Variants in RICTOR observed in about 807,000 individuals in gnomAD.
RICTOR encodes RPTOR independent companion of MTOR complex 2.
In RICTOR, 49 loss-of-function variants were observed where a neutral mutation model predicts 214.9. The ratio of observed to expected loss-of-function variants is 0.23; its 90% confidence interval spans 0.18 to 0.29. The LOEUF is 0.29. Ranked by LOEUF, RICTOR falls within the 10% of genes least tolerant of loss-of-function variation. The pLI is 1.00. For synonymous variants in RICTOR, 717 were observed against 711.3 expected (o/e 1.01, Z -0.13); for missense variants, 1,625 against 2,047.0 (o/e 0.79, Z 3.98).
At chr5:38,980,272 A>C (rs866483256) in intron 8 of RICTOR, among the ~76,000 whole-genome samples, 53 of 152,166 alleles carry the variant, frequency 3.5e-4, no homozygotes, top group Middle Eastern at 3.4e-3. Flanking sequence ...TCATACAGTC[A>C]TGTCTTTTTA....
chr5:38,958,170 G>A (rs1749463041), intron 24 of RICTOR, among the ~76,000 whole-genome samples: 1 of 152,066 alleles, frequency 6.6e-6, no homozygotes, highest in African/African-American at 2.4e-5. Flanking sequence ...TTGGGAGGCA[G>A]TGGTTGCATC....
intron 2 of RICTOR, among the ~76,000 whole-genome samples, chr5:39,028,076 T>C (rs141891849): frequency 1.3e-5 from 2 of 150,588 alleles, no homozygotes; most frequent in East Asian, 3.9e-4. Context: ...AAAATGAAAA[T>C]TAAAACCACA....
intron 2 of RICTOR, among the ~76,000 whole-genome samples, chr5:39,071,860 G>A (rs1759350481): frequency 6.6e-6 from 1 of 152,106 alleles, no homozygotes; most frequent in Non-Finnish European, 1.5e-5. Flanking sequence ...AAAAATTTTT[G>A]GTTGCCCAAA....
At chr5:39,014,694 T>G (rs1754806114) in intron 3 of RICTOR, among the ~76,000 whole-genome samples, 1 of 152,134 alleles carries the variant, frequency 6.6e-6, no homozygotes, top group Non-Finnish European at 1.5e-5. Context: ...AAGATTATAC[T>G]CATCAGCAGT....
intron 10 of RICTOR, among the ~76,000 whole-genome samples, chr5:38,975,110 A>C (rs777689059): frequency 1.3e-5 from 2 of 152,196 alleles, no homozygotes; most frequent in Non-Finnish European, 2.9e-5. Flanking sequence ...AAACATGCAC[A>C]ATCCCTATTC....
chr5:39,073,860 C>A (rs1399360693), intron 2 of RICTOR, among the ~76,000 whole-genome samples: 1 of 152,162 alleles, frequency 6.6e-6, no homozygotes, highest in Non-Finnish European at 1.5e-5. Flanking sequence ...CCACTCGGGG[C>A]TCCCCCGCAC....
intron 3 of RICTOR, among the ~76,000 whole-genome samples, chr5:39,016,784 T>A (rs1021829208): frequency 1.3e-5 from 2 of 152,174 alleles, no homozygotes; most frequent in Admixed American, 6.6e-5. Context: ...GGTTAGTAGA[T>A]ACTAGTTGCA....
At chr5:38,946,223 A>C (rs1748173712) in intron 33 of RICTOR, among the ~76,000 whole-genome samples, 1 of 152,208 alleles carries the variant, frequency 6.6e-6, no homozygotes, top group South Asian at 2.1e-4. Context: ...AAACAGAAAC[A>C]ACTAATTTGG....
chr5:38,972,233 T>C (rs10440634), intron 10 of RICTOR, among the ~76,000 whole-genome samples: 147,254 of 152,294 alleles, frequency 0.97, 71,246 homozygotes, highest in East Asian at 0.99. Context: ...GACTGCCTGA[T>C]GAACTCTTCT....
At chr5:38,997,101 G>A (rs2592309) in intron 5 of RICTOR, among the ~76,000 whole-genome samples, 2 of 151,858 alleles carry the variant, frequency 1.3e-5, no homozygotes, top group Admixed American at 6.6e-5. Context: ...CTTTTAAAAC[G>A]TTAGGAAAGA....
chr5:39,074,355 C>T lies in RICTOR; in HGVS notation c.23G>A (p.Arg8His). Residue 8 changes from arginine (R) to histidine (H), a missense_variant, in exon 1 of 38, where the codon CGC (arginine) becomes CAC (histidine). Transcript: ENST00000357387. ...TCGTACTCGGAGGTTCTTCAGAGAGCGGCCGCGGCCGATCGCCGCCATATT... is the reference window on the plus strand; with the variant it reads ...TCGTACTCGGAGGTTCTTCAGAGAGTGGCCGCGGCCGATCGCCGCCATATT... Reference protein sequence around the residue: MAAIGRGRSLKNLRVRGR... With the variant: MAAIGRGHSLKNLRVRGR... The T allele has an allele frequency of 6.5e-7, 1 of 1,536,658 alleles. No individual in the cohort carries two copies. The highest frequency in any genetic ancestry group is 8.8e-7 in the Non-Finnish European group (1 of 1,140,738).
intron 4 of RICTOR, 66 bp from the exon 5 acceptor site, chr5:39,002,732 AC>A: frequency 6.7e-7 from 1 of 1,490,290 alleles, no homozygotes; most frequent in Non-Finnish European, 9.1e-7. Flanking sequence ...AAATTATATT[AC>A]CAAATTATTC....
At chr5:38,966,243 T>G (rs1415268188) in intron 15 of RICTOR, among the ~76,000 whole-genome samples, 2 of 152,256 alleles carry the variant, frequency 1.3e-5, no homozygotes, top group Admixed American at 6.5e-5. Flanking sequence ...AGGCACTGAC[T>G]ACCATGTATC....
At chr5:39,027,945 C>T (rs1357792386) in intron 2 of RICTOR, among the ~76,000 whole-genome samples, 1 of 151,944 alleles carries the variant, frequency 6.6e-6, no homozygotes, top group East Asian at 1.9e-4. Flanking sequence ...CTATCATCTA[C>T]AAATCAACAA....
chr5:38,960,305 A>G (rs1270926328), intron 20 of RICTOR, 93 bp downstream of exon 20: 1 of 1,283,360 alleles, frequency 7.8e-7, no homozygotes, highest in African/African-American at 1.5e-5. Context: ...ATATTCAGAA[A>G]TAAAAGCAAA....
chr5:39,010,107 C>G (rs1239274), intron 3 of RICTOR, among the ~76,000 whole-genome samples: 66,871 of 151,980 alleles, frequency 0.44, 14,790 homozygotes, highest in East Asian at 0.6. Context: ...CCACCATGCT[C>G]TTCATGTGAA....
At chr5:39,017,166 C>T (rs568845754) in intron 3 of RICTOR, among the ~76,000 whole-genome samples, 18 of 152,172 alleles carry the variant, frequency 1.2e-4, no homozygotes, top group Admixed American at 6.6e-5. Flanking sequence ...CTTTCAGAAT[C>T]CTGTTGGCAA....
Position 38,953,465 on chromosome 5 carries a change from G to A in RICTOR, c.2786C>T (p.Ala929Val). 1.4e-6 allele frequency: 2 copies of A among 1,427,516 alleles called. No homozygotes were observed. The highest frequency in any genetic ancestry group is 1.4e-5 in the South Asian group (1 of 69,180). The allele number at this position is 1,427,516 out of a possible 1,614,324, so 88.4% of individuals were successfully genotyped here. Reference sequence around the variant, plus strand: ...ACAGAAGTGTTTATTACAAACCAAGGCCCAAAGAGATGCTTTCAGTTTTTT... The same window carrying A: ...ACAGAAGTGTTTATTACAAACCAAGACCCAAAGAGATGCTTTCAGTTTTTT... ...EIKKLKASLW[A>V]LGNIGSSNWG... Residue 929 changes from alanine (A) to valine (V), a missense_variant, in exon 28 of 38, where the codon GCC (alanine) becomes GTC (valine). Physicochemically the swap from Ala to Val is moderately conservative, Grantham distance 64. Coordinates refer to ENST00000357387, the MANE Select transcript of RICTOR (RefSeq NM_152756.5).
rs781777215 is a variant in RICTOR at position 38,959,373 on chromosome 5, C to T, written c.2052-52G>A. ...GTTAAAAGAAATTACTATATTGATA[C>T]ATTAATTAAACAAATATTTTTTCCA... On this transcript the variant is annotated intron_variant, in intron 21 of 37. Transcript: ENST00000357387. The T allele has an allele frequency of 4.0e-6, 4 of 1,003,610 alleles. No individual in the cohort carries two copies. In the African/African-American group the frequency reaches 5.0e-5, roughly 13 times the overall value. The allele number at this position is 1,003,610 out of a possible 1,614,324, so 62.2% of individuals were successfully genotyped here. A position where few individuals can be genotyped will look rare whatever the true frequency, so the allele number is the denominator to read the frequency against.
Sources: allele counts gnomAD v4.1 joint callset (sites outside exome capture counted in the v4.1 genomes callset), GRCh38; gene constraint gnomAD v4.1.1; transcripts MANE v1.5; gene names NCBI Gene and HGNC (gene_info 2026-07-23, HGNC 2026-07-21).